The following PTPRD variants were observed in gnomAD, a reference collection of about 807,000 sequenced individuals.
The protein encoded by PTPRD is protein tyrosine phosphatase receptor type D, also known as receptor-type tyrosine-protein phosphatase delta.
In PTPRD, 34 loss-of-function variants were observed where a neutral mutation model predicts 214.5. The observed-to-expected ratio is 0.16, with a 90% confidence interval of 0.12 to 0.21. The LOEUF (loss-of-function observed/expected upper bound fraction) is 0.21, where lower values mean the gene tolerates loss of function less well. PTPRD is among the 10% of genes least tolerant of loss of function. The pLI is 1.00. For missense variants in PTPRD, 2,545 were observed against 2,398.7 expected, an observed-to-expected ratio of 1.06 and a Z score of -1.27; for synonymous variants, 1,128 against 845.7, an observed-to-expected ratio of 1.33 and a Z score of -5.79.
intron 3 of PTPRD, among the ~76,000 whole-genome samples, chr9:10,165,331 G>A (rs1175607220): frequency 6.6e-6 from 1 of 151,678 alleles, no homozygotes; most frequent in Non-Finnish European, 1.5e-5. Context: ...AGAGTCTGAA[G>A]TCATGAATTT....
chr9:9,925,621 A>T (rs999403294), intron 5 of PTPRD, among the ~76,000 whole-genome samples: 5 of 151,276 alleles, frequency 3.3e-5, no homozygotes, highest in Admixed American at 3.3e-4. Flanking sequence ...AGATGACAAA[A>T]TTTTTTAAAA....
chr9:10,304,949 G>A lies in PTPRD; in HGVS notation c.-545+36014C>T, dbSNP rs372418967. 2.8e-4 allele frequency among the ~76,000 whole-genome samples: 43 copies of A among 152,074 alleles called. No individual in the cohort carries two copies. The East Asian group carries it at 6.6e-3, about 23-fold the overall frequency. Reference sequence around the variant, plus strand: ...GAACCAAAAAAGATCCTGCATTGCCGAGACAATCCTAAGCAAAGAGAACAA... The same window carrying A: ...GAACCAAAAAAGATCCTGCATTGCCAAGACAATCCTAAGCAAAGAGAACAA... On this transcript the variant is annotated intron_variant, in intron 3 of 45. Transcript: ENST00000381196.
intron 2 of PTPRD, among the ~76,000 whole-genome samples, chr9:10,588,290 G>A (rs568942256): frequency 3.9e-5 from 6 of 152,064 alleles, no homozygotes; most frequent in East Asian, 1.9e-4. Context: ...CAAAGTACAT[G>A]AGTAAAATGA....
chr9:9,837,057 G>C (rs1015044213), intron 5 of PTPRD, among the ~76,000 whole-genome samples: 7 of 147,282 alleles, frequency 4.8e-5, no homozygotes, highest in African/African-American at 1.7e-4. Flanking sequence ...GAGGTCTATA[G>C]TAGCTCTACA....
intron 16 of PTPRD, among the ~76,000 whole-genome samples, chr9:8,527,098 GA>G: frequency 6.6e-6 from 1 of 152,032 alleles, no homozygotes; most frequent in South Asian, 2.1e-4. Flanking sequence ...AAACATTGTT[GA>G]TTGGATATCT....
intron 12 of PTPRD, among the ~76,000 whole-genome samples, chr9:8,663,352 T>C (rs2097103651): frequency 6.6e-6 from 1 of 151,366 alleles, no homozygotes; most frequent in South Asian, 2.1e-4. Context: ...ATTAAGAAAA[T>C]TAAAATTTTG....
rs113390117 is a variant in PTPRD at position 9,466,977 on chromosome 9, G to A, written c.-236-69495C>T. ...TTTTCTTGAATTTTTTGATTTAGCC[G>A]AATAGCTGAATTTAAACTTTCCTAA... On this transcript the variant is annotated intron_variant, in intron 8 of 45. Coordinates refer to ENST00000381196, the MANE Select transcript of PTPRD (RefSeq NM_002839.4). Among the ~76,000 whole-genome samples, 369 of 151,956 alleles carry A rather than the reference G, an allele frequency of 2.4e-3. 2 individuals are homozygous for A. Among genetic ancestry groups the A allele is most frequent in the African/African-American group, 8.4e-3 (348 of 41,482 alleles).
chr9:9,481,007 G>A, intron 8 of PTPRD, among the ~76,000 whole-genome samples: 1 of 152,002 alleles, frequency 6.6e-6, no homozygotes, highest in Non-Finnish European at 1.5e-5. Context: ...TTGAAGACAT[G>A]TAATAATGCC....
intron 7 of PTPRD, among the ~76,000 whole-genome samples, chr9:9,724,181 T>A (rs1348045972): frequency 6.6e-6 from 1 of 152,166 alleles, no homozygotes; most frequent in African/African-American, 2.4e-5. Context: ...AAATGTGAAT[T>A]GTACATTTTT....
chr9:9,710,001 T>G (rs1036444916), intron 7 of PTPRD, among the ~76,000 whole-genome samples: 1 of 152,060 alleles, frequency 6.6e-6, no homozygotes, highest in Admixed American at 6.6e-5. Context: ...AATAGCATCA[T>G]GCTGATTACA....
intron 7 of PTPRD, among the ~76,000 whole-genome samples, chr9:9,663,834 C>T (rs957326822): frequency 1.3e-5 from 2 of 151,412 alleles, no homozygotes; most frequent in East Asian, 3.9e-4. Flanking sequence ...ATTAATTTTA[C>T]ACTTTGGAAT....
At chr9:9,981,221 T>C (rs193092621) in intron 4 of PTPRD, among the ~76,000 whole-genome samples, 9 of 152,282 alleles carry the variant, frequency 5.9e-5, no homozygotes, top group Admixed American at 1.3e-4. Context: ...TAGAAGCAAG[T>C]AAATGAAGTG....
intron 10 of PTPRD, among the ~76,000 whole-genome samples, chr9:9,050,616 G>C (rs1292611408): frequency 6.6e-6 from 1 of 152,062 alleles, no homozygotes; most frequent in African/African-American, 2.4e-5. Context: ...GCATCACTCT[G>C]AGTAGAGTGA....
chr9:8,767,204 G>A (rs964875968), intron 11 of PTPRD, among the ~76,000 whole-genome samples: 2 of 151,838 alleles, frequency 1.3e-5, no homozygotes, highest in South Asian at 2.1e-4. Flanking sequence ...CGCAACCTCC[G>A]CCTCCCAGGT....
intron 5 of PTPRD, among the ~76,000 whole-genome samples, chr9:9,773,051 T>C (rs1209564645): frequency 1.3e-5 from 2 of 152,186 alleles, no homozygotes. Flanking sequence ...TGCTTTTATT[T>C]GTAAACCATG....
intron 8 of PTPRD, among the ~76,000 whole-genome samples, chr9:9,490,597 G>T (rs1269395130): frequency 2.0e-5 from 3 of 151,972 alleles, no homozygotes. Context: ...AAACAGTGGG[G>T]ACATAGCTTT....
At chr9:10,575,231 G>C (rs1283552328) in intron 2 of PTPRD, among the ~76,000 whole-genome samples, 1 of 151,996 alleles carries the variant, frequency 6.6e-6, no homozygotes, top group Non-Finnish European at 1.5e-5. Context: ...AGAATTTAAA[G>C]ATGATCAAGA....
At chr9:9,950,972 T>C (rs2093400877) in intron 4 of PTPRD, among the ~76,000 whole-genome samples, 2 of 152,138 alleles carry the variant, frequency 1.3e-5, no homozygotes, top group African/African-American at 4.8e-5. Context: ...ACTCTAAGAA[T>C]AGAATTTGGG....
intron 14 of PTPRD, among the ~76,000 whole-genome samples, chr9:8,534,820 T>G (rs967676647): frequency 2.6e-5 from 4 of 151,816 alleles, no homozygotes; most frequent in African/African-American, 9.7e-5. Flanking sequence ...GGTGGTCAAA[T>G]AAGGTGGCCA....
Sources: allele counts gnomAD v4.1 joint callset (sites outside exome capture counted in the v4.1 genomes callset), GRCh38; gene constraint gnomAD v4.1.1; transcripts MANE v1.5; gene names NCBI Gene and HGNC (gene_info 2026-07-23, HGNC 2026-07-21).